The following UNC5D variants were observed in gnomAD, a reference collection of about 807,000 sequenced individuals.
UNC5D encodes the protein unc-5 netrin receptor D.
UNC5D carries 39 observed loss-of-function variants against 105.4 expected under a neutral mutation model. That is an observed-to-expected ratio of 0.37 (90% CI 0.29 to 0.48). UNC5D has a LOEUF of 0.48. Ranked by LOEUF, UNC5D falls within the 20% of genes least tolerant of loss-of-function variation. UNC5D has a pLI of 0.98. For synonymous variants in UNC5D, 452 were observed against 450.4 expected (o/e 1.00, Z -0.04); for missense variants, 991 against 1,202.4 (o/e 0.82, Z 2.60).
In UNC5D at chr8:35,271,339, G is replaced by A. The variant is rs1297772377; in HGVS notation, c.103+35452G>A. Among the ~76,000 whole-genome samples the A allele has an allele frequency of 2.6e-5, 3 of 117,372 alleles. 1 individual carries two copies. Among genetic ancestry groups the A allele is most frequent in the African/African-American group, 1.1e-4 (3 of 27,220 alleles). The allele number at this position is 117,372 out of a possible 152,430, so 77.0% of individuals were successfully genotyped here. ...TATGTATATGCATACACACGTGCATGTGTGTATGTATATGCATACACACGT... is the reference window on the plus strand; with the variant it reads ...TATGTATATGCATACACACGTGCATATGTGTATGTATATGCATACACACGT... On this transcript the variant is annotated intron_variant, in intron 1 of 16. Coordinates refer to ENST00000404895, the MANE Select transcript of UNC5D (RefSeq NM_080872.4).
At chr8:35,255,126 A>G (rs1803984984) in intron 1 of UNC5D, 1 of 152,174 alleles carries the variant, frequency 6.6e-6, no homozygotes, top group African/African-American at 2.4e-5. Context: ...CTTAGTCGCC[A>G]CCATTTTGGA....
intron 4 of UNC5D, among the ~76,000 whole-genome samples, chr8:35,615,243 C>T (rs1469533289): frequency 6.6e-6 from 1 of 152,034 alleles, no homozygotes; most frequent in African/African-American, 2.4e-5. Flanking sequence ...CAAAGCTTTC[C>T]TAGGTGCTTG....
intron 1 of UNC5D, among the ~76,000 whole-genome samples, chr8:35,480,937 G>T (rs772140739): frequency 6.6e-6 from 1 of 152,150 alleles, no homozygotes; most frequent in Non-Finnish European, 1.5e-5. Context: ...GATGGCTTAA[G>T]ATGACAATTA....
At chr8:35,533,891 C>T (rs571130334) in intron 1 of UNC5D, among the ~76,000 whole-genome samples, 104 of 152,292 alleles carry the variant, frequency 6.8e-4, no homozygotes, top group African/African-American at 2.3e-3. Context: ...GGCAATGCCT[C>T]GCCATGCTTC....
At chr8:35,282,710 C>CAAA (rs200599461) in intron 1 of UNC5D, among the ~76,000 whole-genome samples, 52,042 of 135,640 alleles carry the variant, frequency 0.38, 10,155 homozygotes, top group Middle Eastern at 0.46. Context: ...TATTAAAAGA[C>CAAA]AAAAAAAAAA....
chr8:35,562,260 T>G (rs1817019384), intron 2 of UNC5D, among the ~76,000 whole-genome samples: 1 of 152,192 alleles, frequency 6.6e-6, no homozygotes, highest in Non-Finnish European at 1.5e-5. Context: ...CTTCATCAAT[T>G]CCTTTACTGA....
intron 1 of UNC5D, among the ~76,000 whole-genome samples, chr8:35,453,944 C>A (rs1028443996): frequency 6.6e-6 from 1 of 152,144 alleles, no homozygotes; most frequent in Non-Finnish European, 1.5e-5. Flanking sequence ...CCTGCTATTT[C>A]TCCTAATGGT....
intron 1 of UNC5D, among the ~76,000 whole-genome samples, chr8:35,241,538 A>G (rs968053848): frequency 2.6e-5 from 4 of 152,160 alleles, no homozygotes; most frequent in African/African-American, 9.7e-5. Context: ...TTTTCAGATG[A>G]TATCAGGCCA....
At chr8:35,632,059 G>C (rs1358260115) in intron 4 of UNC5D, among the ~76,000 whole-genome samples, 1 of 152,254 alleles carries the variant, frequency 6.6e-6, no homozygotes, top group Non-Finnish European at 1.5e-5. Flanking sequence ...AAGCCATGCT[G>C]TTCTTCCCCA....
intron 4 of UNC5D, among the ~76,000 whole-genome samples, chr8:35,653,455 A>G (rs1823547480): frequency 1.3e-5 from 2 of 152,196 alleles, no homozygotes; most frequent in African/African-American, 4.8e-5. Context: ...TTTCTACAGC[A>G]TGGTAGGTTC....
chr8:35,383,077 G>T (rs191797584), intron 1 of UNC5D, among the ~76,000 whole-genome samples: 102 of 152,272 alleles, frequency 6.7e-4, no homozygotes, highest in Non-Finnish European at 1.2e-3. Flanking sequence ...ACAGTTTAAA[G>T]AACACTTTGA....
chr8:35,776,674 C>T (rs1802260385), intron 16 of UNC5D, among the ~76,000 whole-genome samples: 1 of 152,092 alleles, frequency 6.6e-6, no homozygotes, highest in East Asian at 1.9e-4. Flanking sequence ...ATTTTTTTGA[C>T]ATAATTCATA....
intron 1 of UNC5D, among the ~76,000 whole-genome samples, chr8:35,514,199 A>G (rs534033072): frequency 1.3e-5 from 2 of 152,322 alleles, no homozygotes; most frequent in East Asian, 3.9e-4. Context: ...TATGCAGGAA[A>G]GCATAGCTGA....
At chr8:35,442,116 T>C (rs1807446125) in intron 1 of UNC5D, among the ~76,000 whole-genome samples, 1 of 151,972 alleles carries the variant, frequency 6.6e-6, no homozygotes. Flanking sequence ...TAAATTGACA[T>C]AAACACATTT....
intron 1 of UNC5D, among the ~76,000 whole-genome samples, chr8:35,306,170 A>G (rs2128875168): frequency 6.6e-6 from 1 of 151,952 alleles, no homozygotes; most frequent in African/African-American, 2.4e-5. Flanking sequence ...AAATGATTTG[A>G]GGTATATGAA....
At chr8:35,366,140 G>A (rs1231714261) in intron 1 of UNC5D, among the ~76,000 whole-genome samples, 1 of 152,004 alleles carries the variant, frequency 6.6e-6, no homozygotes, top group Non-Finnish European at 1.5e-5. Context: ...CAAAATATAG[G>A]CATTCTTGGA....
chr8:35,606,927 G>T (rs1023721396), intron 4 of UNC5D, among the ~76,000 whole-genome samples: 1 of 152,276 alleles, frequency 6.6e-6, no homozygotes, highest in Non-Finnish European at 1.5e-5. Flanking sequence ...CTTCTAGGAG[G>T]TGAGCAGCAT....
At chr8:35,636,906 G>A (rs1428258490) in intron 4 of UNC5D, among the ~76,000 whole-genome samples, 2 of 152,308 alleles carry the variant, frequency 1.3e-5, no homozygotes, top group East Asian at 1.9e-4. Flanking sequence ...AGTTTTACAG[G>A]CTGTTGCCTA....
At chr8:35,580,659 G>A (rs139629305) in intron 3 of UNC5D, among the ~76,000 whole-genome samples, 2 of 152,264 alleles carry the variant, frequency 1.3e-5, no homozygotes, top group Non-Finnish European at 2.9e-5. Flanking sequence ...GGAGTAAGAA[G>A]TGAGAAGTTT....
Sources: gnomAD v4.1 joint callset for allele counts (sites outside exome capture counted in the v4.1 genomes callset) on GRCh38, gnomAD v4.1.1 for gene constraint, MANE v1.5 for transcripts, NCBI Gene and HGNC (gene_info 2026-07-23, HGNC 2026-07-21) for gene names.